The following BLTP2 variants were observed in gnomAD, a reference collection of about 807,000 sequenced individuals.
The protein encoded by BLTP2 is U937-associated antigen.
chr17:28,633,952 C>A, the BLTP2 span: 1 of 1,614,090 alleles, frequency 6.2e-7, no homozygotes, highest in Non-Finnish European at 8.5e-7. Context: ...GCCACGTTAC[C>A]CCACGGAAGC....
the BLTP2 span, among the ~76,000 whole-genome samples, chr17:28,630,696 C>G: frequency 8.6e-5 from 13 of 152,034 alleles, no homozygotes; most frequent in Non-Finnish European, 1.5e-4. Context: ...GTTGGTCAGG[C>G]TAGTCTTGAA....
chr17:28,627,383 C>A, the BLTP2 span, among the ~76,000 whole-genome samples: 1 of 152,022 alleles, frequency 6.6e-6, no homozygotes, highest in South Asian at 2.1e-4. Flanking sequence ...TGGTATTCCC[C>A]CCTTCACTCC....
chr17:28,634,934 C>T, the BLTP2 span: 2 of 1,613,972 alleles, frequency 1.2e-6, no homozygotes, highest in Non-Finnish European at 1.7e-6. Context: ...ACCTCAAAAA[C>T]ATCATCCAAG....
chr17:28,619,952 G>T, the BLTP2 span: 4 of 1,613,920 alleles, frequency 2.5e-6, no homozygotes, highest in Non-Finnish European at 3.4e-6. Context: ...CTGCTGCGTT[G>T]CTCCTCTGGA....
chr17:28,626,818 T>C, the BLTP2 span, among the ~76,000 whole-genome samples: 6 of 152,250 alleles, frequency 3.9e-5, no homozygotes, highest in South Asian at 8.3e-4. Flanking sequence ...TCCTTTGTAA[T>C]ACCCTTTACA....
chr17:28,619,888 A>C, the BLTP2 span: 1 of 1,613,882 alleles, frequency 6.2e-7, no homozygotes, highest in African/African-American at 1.3e-5. Context: ...CTGCTTCTCC[A>C]GCTGTCGTAT....
At chr17:28,614,461 C>T in the BLTP2 span, 1 of 420,616 alleles carries the variant, frequency 2.4e-6, no homozygotes, top group Non-Finnish European at 4.0e-6. Context: ...TTTAAAATAT[C>T]TTTTTTTTTC....
the BLTP2 span, chr17:28,618,955 G>C: frequency 6.2e-7 from 1 of 1,613,764 alleles, no homozygotes; most frequent in Non-Finnish European, 8.5e-7. Flanking sequence ...CGCTGCAGTT[G>C]GAAATCCTTA....
the BLTP2 span, among the ~76,000 whole-genome samples, chr17:28,619,167 G>C: frequency 6.6e-6 from 1 of 151,972 alleles, no homozygotes; most frequent in Admixed American, 6.6e-5. Context: ...CCATCTTTCA[G>C]CTCTATAGCT....
At chr17:28,626,474 A>G in the BLTP2 span, among the ~76,000 whole-genome samples, 3 of 152,176 alleles carry the variant, frequency 2.0e-5, no homozygotes, top group African/African-American at 7.2e-5. Context: ...TGAGTTGACT[A>G]GTTGCTGGCA....
chr17:28,631,565 A>G, the BLTP2 span: 261 of 1,614,072 alleles, frequency 1.6e-4, no homozygotes, highest in Non-Finnish European at 2.1e-4. Flanking sequence ...GGATCAAGAC[A>G]GTGATCAGCA....
At chr17:28,633,640 G>T in the BLTP2 span, 3 of 1,614,090 alleles carry the variant, frequency 1.9e-6, no homozygotes, top group Non-Finnish European at 2.5e-6. Flanking sequence ...CCAGGGCAAA[G>T]GTGGGCTGGG....
chr17:28,639,225 A>T, the BLTP2 span: 10 of 1,341,702 alleles, frequency 7.5e-6, no homozygotes, highest in African/African-American at 1.4e-4. Context: ...AAACAACCAA[A>T]TACATATTTA....
the BLTP2 span, chr17:28,642,426 A>C: frequency 9.6e-6 from 9 of 941,686 alleles, no homozygotes; most frequent in South Asian, 2.6e-5. Flanking sequence ...CCAAGGTGGG[A>C]GGATCATGAG....
At chr17:28,636,904 G>A in the BLTP2 span, 3 of 1,258,410 alleles carry the variant, frequency 2.4e-6, no homozygotes, top group Non-Finnish European at 3.4e-6. Flanking sequence ...AAAAAAGACA[G>A]AGAAAGGCTC....
chr17:28,628,681 T>C, the BLTP2 span: 2 of 810,982 alleles, frequency 2.5e-6, no homozygotes, highest in Admixed American at 2.8e-5. Flanking sequence ...ATGCCCGTAA[T>C]CCCAGCACTT....
the BLTP2 span, chr17:28,636,975 C>T: frequency 8.1e-6 from 13 of 1,613,462 alleles, no homozygotes; most frequent in Non-Finnish European, 9.3e-6. Context: ...CTCCAGAGAG[C>T]GGATGCTGCT....
the BLTP2 span, chr17:28,644,121 G>A: frequency 8.7e-6 from 14 of 1,614,090 alleles, no homozygotes; most frequent in South Asian, 1.4e-4. Context: ...AGCGGAAGGA[G>A]CCAATCTTTA....
the BLTP2 span, among the ~76,000 whole-genome samples, chr17:28,629,603 G>A: frequency 2.0e-5 from 3 of 151,952 alleles, no homozygotes; most frequent in Admixed American, 6.5e-5. Context: ...TCAGCCTCCC[G>A]AGTAGCTCGG....
Sources: gnomAD v4.1 joint callset for allele counts (sites outside exome capture counted in the v4.1 genomes callset) on GRCh38, gnomAD v4.1.1 for gene constraint, MANE v1.5 for transcripts, NCBI Gene and HGNC (gene_info 2026-07-23, HGNC 2026-07-21) for gene names.